The following SLC25A40 variants were observed in gnomAD, a reference collection of about 807,000 sequenced individuals.
SLC25A40 encodes the protein solute carrier family 25 member 40, also known as mitochondrial glutathione transporter SLC25A40.
In SLC25A40, 41 loss-of-function variants were observed where a neutral mutation model predicts 46.5. The ratio of observed to expected loss-of-function variants is 0.88; its 90% CI spans 0.69 to 1.14. The LOEUF is 1.14. Among genes scored for constraint, SLC25A40 ranks in the 50% most tolerant of loss-of-function variants. The pLI is 0.00. For missense variants in SLC25A40, 386 were observed against 393.6 expected, an observed-to-expected ratio of 0.98 and a Z score of 0.16; for synonymous variants, 126 against 127.5, an observed-to-expected ratio of 0.99 and a Z score of 0.08.
chr7:87,869,483 C>T (rs1421604194), intron 1 of SLC25A40, among the ~76,000 whole-genome samples: 1 of 151,290 alleles, frequency 6.6e-6, no homozygotes, highest in Non-Finnish European at 1.5e-5. Flanking sequence ...GAGCCTATAT[C>T]ATGCTATTGC....
At chr7:87,873,993 A>C (rs948424124) in intron 1 of SLC25A40, among the ~76,000 whole-genome samples, 2 of 152,238 alleles carry the variant, frequency 1.3e-5, no homozygotes, top group Non-Finnish European at 2.9e-5. Context: ...ACTTTAAGAC[A>C]AACCCTACCC....
chr7:87,875,569 G>A (rs1838985889), intron 1 of SLC25A40, among the ~76,000 whole-genome samples: 1 of 150,036 alleles, frequency 6.7e-6, no homozygotes, highest in African/African-American at 2.4e-5. Context: ...TTTTGGAGAG[G>A]CATGTTCCAA....
chr7:87,836,434 CT>C, intron 11 of SLC25A40, 73 bp from the exon 12 acceptor site: 2 of 978,298 alleles, frequency 2.0e-6, no homozygotes, highest in Non-Finnish European at 2.9e-6. Context: ...TATTTTTTGG[CT>C]TTATTCTGAT....
At chr7:87,870,669 G>A (rs1463867550) in intron 1 of SLC25A40, among the ~76,000 whole-genome samples, 1 of 152,288 alleles carries the variant, frequency 6.6e-6, no homozygotes, top group South Asian at 2.1e-4. Flanking sequence ...CCGAATGTCT[G>A]AGAGAAGCAG....
chr7:87,846,145 T>C (rs1172117705), intron 8 of SLC25A40, among the ~76,000 whole-genome samples: 1 of 152,040 alleles, frequency 6.6e-6, no homozygotes, highest in Non-Finnish European at 1.5e-5. Flanking sequence ...TAAAAGGGGA[T>C]TTTCAAAAAT....
Position 87,854,355 on chromosome 7 carries a change from GTTA to G in SLC25A40, c.158-48_158-46del, listed in dbSNP as rs780459552. The G allele has an allele frequency of 3.5e-6, 4 of 1,143,636 alleles. No individual in the cohort carries two copies. The African/African-American group carries it at 4.7e-5, about 14-fold the overall frequency. The allele number at this position is 1,143,636 out of a possible 1,614,324, so 70.8% of individuals were successfully genotyped here. ...CAACCAACAATTACCTCACATAACT[GTTA>G]TTATTTTTACAGATGAACAAATTGA... On this transcript the variant is annotated intron_variant, in intron 4 of 11. Transcript: ENST00000341119.
chr7:87,849,177 A>G (rs1242050421), intron 6 of SLC25A40, among the ~76,000 whole-genome samples: 1 of 152,190 alleles, frequency 6.6e-6, no homozygotes, highest in Non-Finnish European at 1.5e-5. Flanking sequence ...ATTTCTGAAC[A>G]TGAAAAAAAT....
intron 10 of SLC25A40, 164 bp from the exon 11 acceptor site, chr7:87,836,974 G>T (rs974994848): frequency 6.4e-5 from 24 of 377,076 alleles, no homozygotes; most frequent in Non-Finnish European, 1.0e-4. Context: ...TTAATAGTTA[G>T]ATTCATTAAA....
chr7:87,856,292 C>A lies in SLC25A40; in HGVS notation c.157G>T (p.Gly53Ter). Reference protein sequence around the residue: ...LQAQNNPLPKGKCFVYSNGLM... With the variant: ...LQAQNNPLPK ...TTTTTAGGGCAATTAGTACACATAC[C>A]TTTGGGGAGTGGGTTGTTTTGGGCT... Residue 53 changes from glycine (G) to a stop codon, truncating the protein, a stop_gained and splice_region_variant, in exon 4 of 12, where the codon GGA becomes TGA. Transcript: ENST00000341119. LOFTEE classifies it high-confidence loss of function. The A allele has an allele frequency of 6.2e-7, 1 of 1,610,448 alleles. No homozygotes were observed. The highest frequency in any genetic ancestry group is 1.1e-5 in the South Asian group (1 of 90,878).
intron 6 of SLC25A40, among the ~76,000 whole-genome samples, chr7:87,849,553 G>C (rs544096013): frequency 6.6e-6 from 1 of 152,344 alleles, no homozygotes; most frequent in South Asian, 2.1e-4. Context: ...CTCACTGATA[G>C]AAGGATAAGC....
intron 1 of SLC25A40, among the ~76,000 whole-genome samples, chr7:87,861,781 T>C (rs1353999184): frequency 6.6e-6 from 1 of 152,180 alleles, no homozygotes; most frequent in Non-Finnish European, 1.5e-5. Context: ...GGTTGACAAC[T>C]TGAATATGCG....
chr7:87,837,810 A>G (rs10269158), intron 10 of SLC25A40, among the ~76,000 whole-genome samples: 13,812 of 151,200 alleles, frequency 0.091, 747 homozygotes, highest in African/African-American at 0.15. Context: ...AGACCAGCTG[A>G]ATGAAGGGCA....
At chr7:87,850,008 T>C in intron 5 of SLC25A40, 60 bp from the exon 6 acceptor site, 2 of 1,048,878 alleles carry the variant, frequency 1.9e-6, no homozygotes, top group South Asian at 3.3e-5. Flanking sequence ...TATACAAAAA[T>C]TTATACTGAT....
intron 8 of SLC25A40, among the ~76,000 whole-genome samples, chr7:87,846,324 AGTTTCTCTCT>A (rs771833163): frequency 3.3e-5 from 5 of 152,136 alleles, no homozygotes; most frequent in Non-Finnish European, 7.4e-5. Context: ...TCTTATTGAG[AGTTTCTCTCT>A]AGATAAGTAT....
chr7:87,835,938 A>G lies in SLC25A40; in HGVS notation c.*311T>C, dbSNP rs867647921. 1 of 221,656 alleles carries G rather than the reference A, an allele frequency of 4.5e-6. No individual in the cohort carries two copies. The highest frequency in any genetic ancestry group is 8.8e-6 in the Non-Finnish European group (1 of 113,836). 13.7% of individuals were successfully genotyped at this position (221,656 alleles called of 1,614,324 possible). ...GTTCTGGTGTATTCAACACACTCCC[A>G]GTAAGATTATGTTACACTGAAACAT... On this transcript the variant is annotated 3_prime_UTR_variant, in exon 12 of 12. Coordinates refer to ENST00000341119, the MANE Select transcript of SLC25A40 (RefSeq NM_018843.4).
Position 87,843,858 on chromosome 7 carries a change from A to G in SLC25A40, c.637T>C (p.Tyr213His). The G allele has an allele frequency of 6.3e-7, 1 of 1,576,044 alleles. No homozygotes were observed. The highest frequency in any genetic ancestry group is 8.7e-7 in the Non-Finnish European group (1 of 1,153,030). The change falls in exon 9 of 12, where the codon TAC (tyrosine) becomes CAC (histidine). Residue 213 changes from tyrosine to histidine, a missense_variant. Coordinates refer to ENST00000341119, the MANE Select transcript of SLC25A40 (RefSeq NM_018843.4). ...TTTAAAATTTCATAGTTATACCAGT[A>G]CATTGCTATAAAAACAGAGAATGAA... is the stretch of plus-strand genomic sequence containing the variant. ...VLRDVPFSAM[Y>H]WYNYEILKKW...
chr7:87,846,812 C>G (rs962826967), intron 8 of SLC25A40, 137 bp downstream of exon 8: 15 of 566,224 alleles, frequency 2.6e-5, no homozygotes, highest in Non-Finnish European at 4.1e-5. Flanking sequence ...GAGAGCCCAA[C>G]AATGAAAAAG....
chr7:87,862,242 A>C (rs1032273553), intron 1 of SLC25A40, among the ~76,000 whole-genome samples: 1 of 152,142 alleles, frequency 6.6e-6, no homozygotes, highest in Non-Finnish European at 1.5e-5. Context: ...GGGAGAACTC[A>C]CTCTAACAAA....
Position 87,854,281 on chromosome 7 carries a change from T to C in SLC25A40, c.187A>G (p.Met63Val), listed in dbSNP as rs1362478058. 1.9e-6 allele frequency: 3 copies of C among 1,612,866 alleles called. No individual in the cohort carries two copies. The highest frequency in any genetic ancestry group is 2.5e-6 in the Non-Finnish European group (3 of 1,179,094). Residue 63 changes from methionine to valine, a missense_variant, in exon 5 of 12, where the codon ATG becomes GTG. Coordinates refer to ENST00000341119, the MANE Select transcript of SLC25A40 (RefSeq NM_018843.4). ...GKCFVYSNGL[M>V]DHLCVCEEGG... Reference sequence around the variant, plus strand: ...TCTTCACAGACACATAGATGATCCATGAGTCCATTACTATATACAAAACAT... The same window carrying C: ...TCTTCACAGACACATAGATGATCCACGAGTCCATTACTATATACAAAACAT...
Sources: allele counts gnomAD v4.1 joint callset (sites outside exome capture counted in the v4.1 genomes callset), GRCh38; gene constraint gnomAD v4.1.1; transcripts MANE v1.5; gene names NCBI Gene and HGNC (gene_info 2026-07-23, HGNC 2026-07-21).